TYW1: variants seen among roughly 807,000 people sequenced by gnomAD.
TYW1 encodes the protein S-adenosyl-L-methionine-dependent tRNA 4-demethylwyosine synthase TYW1.
TYW1 carries 46 observed loss-of-function variants against 96.2 expected under a neutral mutation model. The ratio of observed to expected loss-of-function variants is 0.48; its 90% CI spans 0.38 to 0.61. The LOEUF is 0.61. TYW1 is among the 20% of genes least tolerant of loss of function. TYW1 has a pLI of 0.00. For synonymous variants in TYW1, 274 were observed against 323.0 expected (o/e 0.85, Z 1.63); for missense variants, 684 against 909.6 (o/e 0.75, Z 3.19).
intron 9 of TYW1, among the ~76,000 whole-genome samples, chr7:67,063,190 T>A (rs1178681816): frequency 4.7e-5 from 7 of 149,680 alleles, no homozygotes; most frequent in African/African-American, 9.9e-5. Context: ...AGAAGAAAAA[T>A]ATCAGTCAGT....
chr7:67,086,317 T>C (rs1796546924), intron 11 of TYW1, among the ~76,000 whole-genome samples: 1 of 152,198 alleles, frequency 6.6e-6, no homozygotes, highest in Admixed American at 6.5e-5. Context: ...TAATAATTGA[T>C]TGTTGATCTT....
intron 14 of TYW1, among the ~76,000 whole-genome samples, chr7:67,185,734 A>C (rs1434645221): frequency 6.6e-6 from 1 of 152,186 alleles, no homozygotes; most frequent in Non-Finnish European, 1.5e-5. Context: ...CAGGGGTAAG[A>C]TAGGGCTAGA....
rs745511309 is a variant in TYW1, at chr7:67,117,588, C to G, written c.1668C>G (p.Phe556Leu). The G allele has an allele frequency of 7.4e-6, 12 of 1,613,468 alleles. No individual in the cohort carries two copies. Among genetic ancestry groups the G allele is most frequent in the Admixed American group, 1.7e-5 (1 of 59,876 alleles). ...TCTTCAAGGATTTCTGGCAGAGATT[C>G]CTTGACAGTTTAAAAGCCTTGGCAG... ...RPLFKDFWQR[F>L]LDSLKALAVK... is the part of the protein sequence containing the mutation. Residue 556 changes from phenylalanine to leucine, a missense_variant, in exon 13 of 16, where the codon TTC becomes TTG. Physicochemically the swap from Phe to Leu is conservative, Grantham distance 22. Coordinates refer to ENST00000359626, the MANE Select transcript of TYW1 (RefSeq NM_018264.4).
At chr7:67,026,964 C>T (rs1794471710) in intron 7 of TYW1, among the ~76,000 whole-genome samples, 1 of 152,026 alleles carries the variant, frequency 6.6e-6, no homozygotes, top group East Asian at 1.9e-4. Flanking sequence ...GGGAGGCTGA[C>T]GTGATGGGAG....
At chr7:67,186,270 C>A (rs1800016876) in intron 14 of TYW1, among the ~76,000 whole-genome samples, 1 of 67,042 alleles carries the variant, frequency 1.5e-5, no homozygotes. Context: ...TTTCTTCCCC[C>A]CCGCCCCACC....
chr7:67,164,031 G>C (rs1300583407), intron 13 of TYW1, among the ~76,000 whole-genome samples: 1 of 152,108 alleles, frequency 6.6e-6, no homozygotes, highest in Non-Finnish European at 1.5e-5. Flanking sequence ...TCAAGAGACT[G>C]TTAAACCCAA....
chr7:67,145,623 T>C (rs535789346), intron 13 of TYW1, among the ~76,000 whole-genome samples: 2 of 152,368 alleles, frequency 1.3e-5, no homozygotes, highest in Admixed American at 6.5e-5. Context: ...GCCAGTGATA[T>C]GGTGGTTCTT....
rs2116464145 is a variant in TYW1 at position 67,239,297 on chromosome 7, G to A, written c.*768G>A. On this transcript the variant is annotated 3_prime_UTR_variant, in exon 16 of 16. Coordinates refer to ENST00000359626, the MANE Select transcript of TYW1 (RefSeq NM_018264.4). The stretch of plus-strand genomic sequence containing the variant: ...AAGAGGATCATTTCTTTTTGTTCGT[G>A]AGGTCACTGTCCAGGCCTCTCATAT... The A allele has an allele frequency of 3.0e-6, 3 of 985,444 alleles. No homozygotes were observed. The highest frequency in any genetic ancestry group is 1.0e-3 in the Middle Eastern group (2 of 1,914). 61.0% of individuals were successfully genotyped at this position (985,444 alleles called of 1,614,324 possible).
At chr7:66,999,315 C>A (rs1423083325) in intron 3 of TYW1, among the ~76,000 whole-genome samples, 1 of 152,104 alleles carries the variant, frequency 6.6e-6, no homozygotes. Context: ...ACTAATAGTT[C>A]CAATATGGGC....
intron 15 of TYW1, among the ~76,000 whole-genome samples, chr7:67,211,601 C>T (rs1441044797): frequency 6.6e-6 from 1 of 152,158 alleles, no homozygotes. Flanking sequence ...TCTGTCTATA[C>T]CTATATTCAA....
At chr7:67,236,254 C>G (rs1801887409) in intron 15 of TYW1, among the ~76,000 whole-genome samples, 1 of 152,212 alleles carries the variant, frequency 6.6e-6, no homozygotes, top group Admixed American at 6.5e-5. Context: ...AGATTTGATA[C>G]TCAGACTTTA....
At chr7:67,069,071 TC>T (rs1795957080) in intron 10 of TYW1, among the ~76,000 whole-genome samples, 1 of 152,220 alleles carries the variant, frequency 6.6e-6, no homozygotes, top group African/African-American at 2.4e-5. Context: ...GAGTTATAAT[TC>T]TTTTTTTTTC....
chr7:67,113,645 C>CTT (rs66807566), intron 12 of TYW1, among the ~76,000 whole-genome samples: 11 of 143,340 alleles, frequency 7.7e-5, no homozygotes, highest in African/African-American at 1.3e-4. Flanking sequence ...CTTTTTCTTT[C>CTT]TTTTTTTTTT....
chr7:67,034,353 G>T (rs1794766807), intron 7 of TYW1, among the ~76,000 whole-genome samples: 1 of 151,448 alleles, frequency 6.6e-6, no homozygotes, highest in South Asian at 2.1e-4. Flanking sequence ...ATATCCACCT[G>T]CCTTGGCCTC....
chr7:67,191,759 C>T (rs1163154613), intron 14 of TYW1, among the ~76,000 whole-genome samples: 2 of 151,186 alleles, frequency 1.3e-5, no homozygotes, highest in East Asian at 3.9e-4. Flanking sequence ...CTGAGGTGAC[C>T]CCCAGTCTAA....
chr7:67,136,882 G>A (rs760538580), intron 13 of TYW1, among the ~76,000 whole-genome samples: 12 of 151,946 alleles, frequency 7.9e-5, no homozygotes, highest in Non-Finnish European at 1.6e-4. Flanking sequence ...GAGTGCAGTG[G>A]CATAATCTCG....
intron 7 of TYW1, among the ~76,000 whole-genome samples, chr7:67,032,791 G>A (rs1441041627): frequency 3.3e-5 from 5 of 150,674 alleles, no homozygotes; most frequent in East Asian, 3.9e-4. Context: ...AGTCCCTTGC[G>A]CTGAGCAAAA....
At chr7:67,028,398 T>G (rs1794531064) in intron 7 of TYW1, among the ~76,000 whole-genome samples, 1 of 151,890 alleles carries the variant, frequency 6.6e-6, no homozygotes, top group African/African-American at 2.4e-5. Context: ...AAATGCAAAA[T>G]TAGCTGGGTG....
intron 7 of TYW1, among the ~76,000 whole-genome samples, chr7:67,032,684 G>A (rs544679469): frequency 8.4e-4 from 128 of 152,034 alleles, no homozygotes; most frequent in Middle Eastern, 3.4e-3. Flanking sequence ...AGGTCTTTGT[G>A]CTCACTCTCC....
Sources: gnomAD v4.1 joint callset for allele counts (sites outside exome capture counted in the v4.1 genomes callset) on GRCh38, gnomAD v4.1.1 for gene constraint, MANE v1.5 for transcripts, NCBI Gene and HGNC (gene_info 2026-07-23, HGNC 2026-07-21) for gene names.